Variants in WASHC2C observed in about 807,000 individuals in gnomAD.
The protein encoded by WASHC2C is WASH complex subunit 2C.
In WASHC2C, 73 loss-of-function variants were observed where a neutral mutation model predicts 142.2. That is an observed-to-expected ratio of 0.51 (90% CI 0.43 to 0.62). The LOEUF is 0.62. WASHC2C is among the 20% of genes least tolerant of loss of function. The probability of loss-of-function intolerance (pLI) is 0.00; values close to 1 mark genes in which losing one functional copy is unlikely to be tolerated. For missense variants in WASHC2C, 969 were observed against 1,531.7 expected, an observed-to-expected ratio of 0.63 and a Z score of 6.13; for synonymous variants, 337 against 565.5, an observed-to-expected ratio of 0.60 and a Z score of 5.73.
At chr10:45,750,562 G>C (rs1445897751) in intron 9 of WASHC2C, among the ~76,000 whole-genome samples, 189 bp from the exon 10 acceptor site, 1 of 149,830 alleles carries the variant, frequency 6.7e-6, no homozygotes, top group Non-Finnish European at 1.5e-5. Context: ...CCCTTTGAAG[G>C]AACATTTTAT....
At chr10:45,785,721 G>A in intron 26 of WASHC2C, 90 bp downstream of exon 26, 1 of 1,607,416 alleles carries the variant, frequency 6.2e-7, no homozygotes, top group Non-Finnish European at 8.5e-7. Context: ...ATTTAGACTT[G>A]TCTGCATTAA....
At position 45,792,432 on chromosome 10, in the gene WASHC2C, G is replaced by C. The variant is rs1408115136; in HGVS notation, c.*32G>C. ...CAGGGTATCCACATGTTACCCTGCA[G>C]CTACATTGTTGAGTTAGTGATGATA... On this transcript the variant is annotated 3_prime_UTR_variant, in exon 31 of 31. Coordinates refer to ENST00000623400, the MANE Select transcript of WASHC2C (RefSeq NM_001330074.2). 6.4e-7 allele frequency: 1 copy of C among 1,561,856 alleles called. No individual in the cohort carries two copies. Among genetic ancestry groups the C allele is most frequent in the Non-Finnish European group, 8.7e-7 (1 of 1,144,920 alleles).
At chr10:45,787,981 A>G (rs559943186) in intron 28 of WASHC2C, among the ~76,000 whole-genome samples, 13 of 152,332 alleles carry the variant, frequency 8.5e-5, no homozygotes, top group African/African-American at 2.9e-4. Context: ...GAAAGCTTTA[A>G]CTGATCTGCA....
chr10:45,730,355 A>G (rs1277042695), intron 3 of WASHC2C, among the ~76,000 whole-genome samples: 3 of 149,818 alleles, frequency 2.0e-5, no homozygotes, highest in Non-Finnish European at 4.5e-5. Context: ...CTCAAAAAAA[A>G]AAAAAAGTAT....
intron 3 of WASHC2C, among the ~76,000 whole-genome samples, chr10:45,734,077 T>C (rs1276559355): frequency 4.0e-5 from 6 of 151,662 alleles, no homozygotes; most frequent in Non-Finnish European, 8.8e-5. Flanking sequence ...ACAAAAAAAT[T>C]AGCCAGGCGT....
intron 28 of WASHC2C, among the ~76,000 whole-genome samples, chr10:45,788,433 T>C (rs2058202781): frequency 1.3e-5 from 2 of 152,238 alleles, no homozygotes; most frequent in South Asian, 4.1e-4. Flanking sequence ...AGCCTGAATT[T>C]AGACTAGCCC....
At chr10:45,786,901 T>G in intron 27 of WASHC2C, 134 bp from the exon 28 acceptor site, 3 of 1,602,000 alleles carry the variant, frequency 1.9e-6, no homozygotes, top group Non-Finnish European at 2.6e-6. Context: ...GAGACTAGAT[T>G]GGGCGATTTT....
In WASHC2C at chr10:45,761,768, A is replaced by G. The variant is rs369247413; in HGVS notation, c.1636-1620A>G. On this transcript the variant is annotated intron_variant, in intron 17 of 30. Coordinates refer to ENST00000623400, the MANE Select transcript of WASHC2C (RefSeq NM_001330074.2). ...AAGGGTCCGAAACTGTGATGTTGAC[A>G]TTTGTTTTTGTTCTTTGCTTTGGTT... 1.8e-4 allele frequency among the ~76,000 whole-genome samples: 27 copies of G among 152,294 alleles called. No homozygotes were observed. In the East Asian group the frequency reaches 4.8e-3, roughly 27 times the overall value.
intron 29 of WASHC2C, 39 bp downstream of exon 29, chr10:45,789,530 T>A: frequency 6.2e-7 from 1 of 1,611,314 alleles, no homozygotes; most frequent in Admixed American, 1.7e-5. Context: ...TGTTCTAAGT[T>A]AAGGAAGGTA....
At chr10:45,777,237 T>C in intron 21 of WASHC2C, 36 bp from the exon 22 acceptor site, 1 of 1,473,270 alleles carries the variant, frequency 6.8e-7, no homozygotes. Flanking sequence ...CACACTTTTT[T>C]ATTGTTGTGG....
chr10:45,734,451 G>A (rs374773977), intron 3 of WASHC2C, among the ~76,000 whole-genome samples: 11 of 151,238 alleles, frequency 7.3e-5, no homozygotes, highest in East Asian at 5.8e-4. Flanking sequence ...TGAGACTTTT[G>A]TGAATTTAAT....
At chr10:45,757,926 G>T (rs1554878150) in intron 16 of WASHC2C, among the ~76,000 whole-genome samples, 1 of 152,242 alleles carries the variant, frequency 6.6e-6, no homozygotes, top group Non-Finnish European at 1.5e-5. Context: ...CCAGGGTTGG[G>T]GACCCCTGCT....
chr10:45,785,632 G>A lies in WASHC2C; in HGVS notation c.2811+1G>A. ...CATATGGAAGCCGGAAACACCTCAG[G>A]TTAGAAATCCTCTTTAAGGATTTTC... is the stretch of plus-strand genomic sequence containing the variant. On this transcript the variant is annotated splice_donor_variant, in intron 26 of 30. Transcript: ENST00000623400. LOFTEE classifies it high-confidence loss of function. The A allele has an allele frequency of 1.2e-6, 2 of 1,613,504 alleles. No individual in the cohort carries two copies. Among genetic ancestry groups the A allele is most frequent in the Non-Finnish European group, 1.7e-6 (2 of 1,179,838 alleles).
intron 28 of WASHC2C, among the ~76,000 whole-genome samples, chr10:45,787,551 C>CA (rs1554890830): frequency 6.6e-6 from 1 of 150,502 alleles, no homozygotes; most frequent in Non-Finnish European, 1.5e-5. Flanking sequence ...CTTCTAACCA[C>CA]AGAGCAGATC....
At chr10:45,742,260 G>A (rs2052173939) in intron 5 of WASHC2C, among the ~76,000 whole-genome samples, 1 of 152,230 alleles carries the variant, frequency 6.6e-6, no homozygotes, top group Non-Finnish European at 1.5e-5. Context: ...TCAACAGTGT[G>A]GAACCACTAG....
rs2923034 is a variant in WASHC2C, at chr10:45,765,873, T to C, written c.1869+63T>C. 3.8e-6 allele frequency: 6 copies of C among 1,597,294 alleles called. No individual in the cohort carries two copies. The African/African-American group carries it at 5.4e-5, about 14-fold the overall frequency. ...TCATGGGATTTAAGAGTTAAAGCCA[T>C]CCCAAGTCTTTTTCTACCTGTTTTA... On this transcript the variant is annotated intron_variant, in intron 19 of 30. Transcript: ENST00000623400.
At position 45,789,342 on chromosome 10, in the gene WASHC2C, T is replaced by C. The variant is rs2058259727; in HGVS notation, c.3559T>C (p.Ser1187Pro). 1 of 1,612,048 alleles carries C rather than the reference T, an allele frequency of 6.2e-7. No homozygotes were observed. The highest frequency in any genetic ancestry group is 8.5e-7 in the Non-Finnish European group (1 of 1,179,872). The part of the protein sequence containing the change: ...EASSDDDLFQ[S>P]AKPKPAKKTN... ...CAGCAGTGATGATGATCTCTTTCAGTCTGCTAAACCAAAACCAGCAAAGAA... is the reference window on the plus strand; with the variant it reads ...CAGCAGTGATGATGATCTCTTTCAGCCTGCTAAACCAAAACCAGCAAAGAA... The change falls in exon 29 of 31, where the codon TCT (serine) becomes CCT (proline). Residue 1187 changes from serine to proline, a missense_variant. Physicochemically the swap from Ser to Pro is moderately conservative, Grantham distance 74. Transcript: ENST00000623400.
At chr10:45,779,779 G>T (rs1422921671) in intron 23 of WASHC2C, among the ~76,000 whole-genome samples, 10 of 152,100 alleles carry the variant, frequency 6.6e-5, no homozygotes, top group Non-Finnish European at 1.5e-4. Context: ...AAGGTCAAGA[G>T]ATCGAGACCA....
At chr10:45,733,716 A>G (rs868929512) in intron 3 of WASHC2C, among the ~76,000 whole-genome samples, 1 of 152,072 alleles carries the variant, frequency 6.6e-6, no homozygotes, top group Non-Finnish European at 1.5e-5. Flanking sequence ...TAACCATGGT[A>G]GCTGCCAGGT....
Sources: allele counts gnomAD v4.1 joint callset (sites outside exome capture counted in the v4.1 genomes callset), GRCh38; gene constraint gnomAD v4.1.1; transcripts MANE v1.5; gene names NCBI Gene and HGNC (gene_info 2026-07-23, HGNC 2026-07-21).